The following TENT2 variants were observed in gnomAD, a reference collection of about 807,000 sequenced individuals.
TENT2 encodes the protein poly(A) RNA polymerase GLD2.
Under a neutral mutation model 72.2 loss-of-function variants are expected in TENT2, and 44 were observed. That is an observed-to-expected ratio of 0.61 (90% CI 0.48 to 0.78). The LOEUF is 0.78. Among genes scored for constraint, TENT2 ranks in the 30% least tolerant of loss-of-function variants. TENT2 has a pLI of 0.00. For missense variants in TENT2, 541 were observed against 569.6 expected, an observed-to-expected ratio of 0.95 and a Z score of 0.51; for synonymous variants, 212 against 192.5, an observed-to-expected ratio of 1.10 and a Z score of -0.84.
intron 11 of TENT2, among the ~76,000 whole-genome samples, chr5:79,663,593 G>A (rs1804759515): frequency 6.6e-6 from 1 of 152,280 alleles, no homozygotes; most frequent in Non-Finnish European, 1.5e-5. Flanking sequence ...GGAGCAATTG[G>A]AATACACATA....
chr5:79,678,342 G>T, intron 12 of TENT2, among the ~76,000 whole-genome samples: 1 of 152,004 alleles, frequency 6.6e-6, no homozygotes, highest in East Asian at 1.9e-4. Flanking sequence ...TTGATAAATA[G>T]AGGAGAAGTG....
rs1357304298 is a variant in TENT2 at position 79,645,023 on chromosome 5, T to A, written c.752-100T>A. 3 of 904,812 alleles carry A rather than the reference T, an allele frequency of 3.3e-6. No homozygotes were observed. The African/African-American group carries it at 5.3e-5, about 16-fold the overall frequency. The allele number at this position is 904,812 out of a possible 1,614,324, so 56.0% of individuals were successfully genotyped here. ...CTTTTTCAAAGACGTTTTCTTAAAT[T>A]ATTTTAGCTTAGTAAATACTATTTT... is the stretch of plus-strand genomic sequence containing the variant. On this transcript the variant is annotated intron_variant, in intron 7 of 14. Coordinates refer to ENST00000453514, the MANE Select transcript of TENT2 (RefSeq NM_001114394.3).
At chr5:79,678,712 C>T (rs1274843683) in intron 12 of TENT2, among the ~76,000 whole-genome samples, 1 of 152,048 alleles carries the variant, frequency 6.6e-6, no homozygotes, top group Non-Finnish European at 1.5e-5. Flanking sequence ...AAACAGCATC[C>T]ACTTCTATCG....
At chr5:79,625,835 T>G (rs912285519) in intron 4 of TENT2, among the ~76,000 whole-genome samples, 1 of 89,752 alleles carries the variant, frequency 1.1e-5, no homozygotes, top group Non-Finnish European at 2.0e-5. Context: ...TAGTTAGCTG[T>G]TTTTTTTTTT....
chr5:79,659,531 C>CA (rs1291285987), intron 11 of TENT2, among the ~76,000 whole-genome samples: 1,723 of 8,928 alleles, frequency 0.19, 232 homozygotes, highest in East Asian at 0.47. Flanking sequence ...GACTCTGTCT[C>CA]AAAAAAAAAA....
intron 10 of TENT2, 108 bp downstream of exon 10, chr5:79,649,298 C>G (rs757738613): frequency 3.5e-5 from 37 of 1,046,430 alleles, no homozygotes; most frequent in Non-Finnish European, 4.8e-5. Context: ...AAAGTTCTTT[C>G]TAAGGTCCAT....
In TENT2 at chr5:79,623,421, G is replaced by T; in HGVS notation, c.397G>T (p.Val133Phe). 6.2e-7 allele frequency: 1 copy of T among 1,611,440 alleles called. No homozygotes were observed. The highest frequency in any genetic ancestry group is 8.5e-7 in the Non-Finnish European group (1 of 1,178,856). ...TTATGTACCAGATATAGTCAGATGT[G>T]TTCCACCTTTTCGAGAAATTGCATT... Reference protein sequence around the residue: ...THYVPDIVRCVPPFREIAFLE... With the variant: ...THYVPDIVRCFPPFREIAFLE... The change falls in exon 4 of 15, where the codon GTT becomes TTT. Residue 133 changes from valine to phenylalanine, a missense_variant. Transcript: ENST00000453514.
At chr5:79,666,764 T>G (rs1561565296) in intron 11 of TENT2, among the ~76,000 whole-genome samples, 1 of 152,194 alleles carries the variant, frequency 6.6e-6, no homozygotes, top group Admixed American at 6.5e-5. Flanking sequence ...TATAGAAGAT[T>G]AGCCAGTCTA....
intron 3 of TENT2, among the ~76,000 whole-genome samples, chr5:79,622,227 C>T (rs113989687): frequency 4.2e-4 from 64 of 152,038 alleles, no homozygotes; most frequent in African/African-American, 1.3e-3. Flanking sequence ...CTGGAAATCC[C>T]GGAGGCAGAG....
intron 4 of TENT2, among the ~76,000 whole-genome samples, chr5:79,639,831 A>G (rs182100712): frequency 1.3e-4 from 20 of 152,316 alleles, no homozygotes; most frequent in Non-Finnish European, 2.5e-4. Context: ...ATACTGATGA[A>G]GAATACTGGA....
intron 4 of TENT2, among the ~76,000 whole-genome samples, chr5:79,629,061 C>T (rs977158522): frequency 6.6e-6 from 1 of 152,016 alleles, no homozygotes; most frequent in Non-Finnish European, 1.5e-5. Context: ...CAGCACAGGG[C>T]TATCTGAGGC....
At chr5:79,634,541 C>T (rs1258765811) in intron 4 of TENT2, among the ~76,000 whole-genome samples, 2 of 151,824 alleles carry the variant, frequency 1.3e-5, no homozygotes, top group Non-Finnish European at 2.9e-5. Context: ...GTTTCATCAT[C>T]TTGGTCAGGC....
At chr5:79,631,684 T>C (rs1410004439) in intron 4 of TENT2, among the ~76,000 whole-genome samples, 2 of 152,126 alleles carry the variant, frequency 1.3e-5, no homozygotes, top group Non-Finnish European at 2.9e-5. Context: ...AGGACAGGCT[T>C]TTTTTGGTAA....
chr5:79,630,156 A>G (rs1408519024), intron 4 of TENT2, among the ~76,000 whole-genome samples: 1 of 152,132 alleles, frequency 6.6e-6, no homozygotes, highest in Admixed American at 6.5e-5. Context: ...AATTAAAAAA[A>G]TGCAGATCAC....
chr5:79,677,810 G>GT (rs1451671314), intron 12 of TENT2, among the ~76,000 whole-genome samples: 2 of 151,976 alleles, frequency 1.3e-5, no homozygotes, highest in African/African-American at 4.8e-5. Flanking sequence ...TTTGTTTTTT[G>GT]TTTTTTTAAG....
rs1826019209 is a variant in TENT2, at chr5:79,686,338, A to G, written c.*1065A>G. On this transcript the variant is annotated 3_prime_UTR_variant, in exon 15 of 15. Coordinates refer to ENST00000453514, the MANE Select transcript of TENT2 (RefSeq NM_001114394.3). ...ATGAAAGAAGTGGTGGCTGCTAAAA[A>G]AAAAGCTACAGTGTTTATTAAGGGT... 1 of 152,150 alleles carries G rather than the reference A, an allele frequency of 6.6e-6. No individual in the cohort carries two copies. Among genetic ancestry groups the G allele is most frequent in the South Asian group, 2.1e-4 (1 of 4,830 alleles). The allele number at this position is 152,150 out of a possible 1,614,324, so 9.4% of individuals were successfully genotyped here.
At chr5:79,666,836 T>G (rs547637345) in intron 11 of TENT2, among the ~76,000 whole-genome samples, 6 of 152,180 alleles carry the variant, frequency 3.9e-5, no homozygotes, top group African/African-American at 1.4e-4. Context: ...CCTCCCAAAG[T>G]GCTGGGATTA....
intron 4 of TENT2, among the ~76,000 whole-genome samples, chr5:79,633,985 C>G (rs1210521319): frequency 7.9e-6 from 1 of 125,788 alleles, no homozygotes; most frequent in African/African-American, 3.2e-5. Flanking sequence ...AACCCCGTCT[C>G]TACTAAAAAT....
intron 12 of TENT2, among the ~76,000 whole-genome samples, chr5:79,675,356 A>G (rs866126225): frequency 1.3e-5 from 2 of 152,206 alleles, no homozygotes; most frequent in South Asian, 2.1e-4. Context: ...GCTAGTAGGA[A>G]TTATCTTTGG....
Sources: gnomAD v4.1 joint callset for allele counts (sites outside exome capture counted in the v4.1 genomes callset) on GRCh38, gnomAD v4.1.1 for gene constraint, MANE v1.5 for transcripts, NCBI Gene and HGNC (gene_info 2026-07-23, HGNC 2026-07-21) for gene names.